Variants in SRGAP1 observed in about 807,000 individuals in gnomAD.
SRGAP1 encodes SLIT-ROBO Rho GTPase-activating protein 1.
A neutral mutation model predicts 121.9 loss-of-function variants in SRGAP1; 43 were observed. The observed-to-expected ratio is 0.35, with a 90% CI of 0.28 to 0.46. The LOEUF is 0.46. SRGAP1 is among the 20% of genes least tolerant of loss of function. The pLI, the probability that SRGAP1 is intolerant of heterozygous loss-of-function variation, is 1.00. For synonymous variants in SRGAP1, 447 were observed against 485.4 expected (o/e 0.92, Z 1.04); for missense variants, 1,102 against 1,350.9 (o/e 0.82, Z 2.89).
intron 21 of SRGAP1, among the ~76,000 whole-genome samples, chr12:64,137,957 A>T (rs992749799): frequency 3.0e-5 from 4 of 134,444 alleles, no homozygotes; most frequent in African/African-American, 1.2e-4. Context: ...GTGCTTAAAA[A>T]AAAAATATAT....
intron 8 of SRGAP1, among the ~76,000 whole-genome samples, chr12:64,071,646 C>T (rs2035637986): frequency 6.6e-6 from 1 of 152,152 alleles, no homozygotes; most frequent in Non-Finnish European, 1.5e-5. Flanking sequence ...GGGTGGGCCG[C>T]AGGAAAACAG....
intron 2 of SRGAP1, 57 bp from the exon 3 acceptor site, chr12:63,989,853 C>A: frequency 7.0e-7 from 1 of 1,424,626 alleles, no homozygotes; most frequent in South Asian, 1.3e-5. Context: ...TGACTTCACT[C>A]ATCTGATTGG....
chr12:63,938,270 C>G (rs2031737823), intron 1 of SRGAP1, among the ~76,000 whole-genome samples: 2 of 152,208 alleles, frequency 1.3e-5, no homozygotes, highest in African/African-American at 4.8e-5. Flanking sequence ...TTAGCCAGTT[C>G]ACATTTCACC....
intron 1 of SRGAP1, among the ~76,000 whole-genome samples, chr12:63,900,991 T>A (rs2029899311): frequency 6.6e-6 from 1 of 150,794 alleles, no homozygotes; most frequent in Non-Finnish European, 1.5e-5. Context: ...CTTGTGCACC[T>A]ATTTTTTTTT....
chr12:64,136,768 T>C (rs986437925), intron 21 of SRGAP1, among the ~76,000 whole-genome samples: 4 of 152,206 alleles, frequency 2.6e-5, no homozygotes, highest in African/African-American at 9.6e-5. Flanking sequence ...GCAAGGCCCT[T>C]TGAGGCATAC....
intron 8 of SRGAP1, among the ~76,000 whole-genome samples, chr12:64,076,665 G>T (rs1013069673): frequency 1.3e-5 from 2 of 149,866 alleles, no homozygotes; most frequent in Non-Finnish European, 3.0e-5. Context: ...TTTTTTTTTT[G>T]AGACAGAGTC....
At position 64,108,932 on chromosome 12, in the gene SRGAP1, G is replaced by A. The variant is rs1267160009; in HGVS notation, c.1814G>A (p.Arg605Lys). 10 of 1,592,330 alleles carry A rather than the reference G, an allele frequency of 6.3e-6. No homozygotes were observed. The South Asian group carries it at 1.1e-4, about 18-fold the overall frequency. The change falls in exon 16 of 22, where the codon AGA becomes AAA. Residue 605 changes from arginine to lysine, a missense_variant and splice_region_variant. Coordinates refer to ENST00000355086, the MANE Select transcript of SRGAP1 (RefSeq NM_020762.4). ...ERFNDLISCI[R>K]IDNLYERALH... Reference sequence around the variant, plus strand: ...TGACCATGTCATCTTCTGTCTGTAGGAATAGATAATCTCTATGAGAGGGCG... The same window carrying A: ...TGACCATGTCATCTTCTGTCTGTAGAAATAGATAATCTCTATGAGAGGGCG...
At chr12:63,915,649 G>A (rs1019204435) in intron 1 of SRGAP1, among the ~76,000 whole-genome samples, 13 of 152,136 alleles carry the variant, frequency 8.5e-5, no homozygotes, top group East Asian at 5.8e-4. Context: ...TGTGAAAAAC[G>A]CTGAGGTCAC....
chr12:64,078,993 A>T lies in SRGAP1; in HGVS notation c.1200A>T (p.Glu400Asp). 6.2e-7 allele frequency: 1 copy of T among 1,614,132 alleles called. No individual in the cohort carries two copies. Among genetic ancestry groups the T allele is most frequent in the Non-Finnish European group, 8.5e-7 (1 of 1,180,008 alleles). The change falls in exon 9 of 22, where the codon GAA becomes GAT. Residue 400 changes from glutamate to aspartate, a missense_variant. Around this residue, in one of 3 missense-constraint regions of SRGAP1, gnomAD observed 747 missense variants for 929.4 expected, o/e 0.80. Coordinates refer to ENST00000355086, the MANE Select transcript of SRGAP1 (RefSeq NM_020762.4). ...CCATCGAGGACTATGATGTTTCTGA[A>T]TGCTTCCAGCACAGTCGTTCCACAG... ...MVTIEDYDVS[E>D]CFQHSRSTES...
intron 1 of SRGAP1, among the ~76,000 whole-genome samples, chr12:63,973,716 G>T (rs903665261): frequency 6.6e-6 from 1 of 152,088 alleles, no homozygotes; most frequent in African/African-American, 2.4e-5. Context: ...TCAGTACTCA[G>T]TGCAAAAGAT....
chr12:63,949,001 CAT>C (rs199743179), intron 1 of SRGAP1, among the ~76,000 whole-genome samples: 2 of 107,144 alleles, frequency 1.9e-5, no homozygotes, highest in Admixed American at 2.0e-4. Flanking sequence ...ATGTATTTTC[CAT>C]ATATATATTC....
At chr12:63,957,490 C>G (rs1167877536) in intron 1 of SRGAP1, among the ~76,000 whole-genome samples, 1 of 152,208 alleles carries the variant, frequency 6.6e-6, no homozygotes, top group African/African-American at 2.4e-5. Flanking sequence ...GAGCCAGAGT[C>G]AGGCATAGCG....
Position 64,079,076 on chromosome 12 carries a change from GAA to G in SRGAP1, c.1284_1285del (p.Arg429SerfsTer7). On this transcript the variant is annotated frameshift_variant, in exon 9 of 22. Coordinates refer to ENST00000355086, the MANE Select transcript of SRGAP1 (RefSeq NM_020762.4). LOFTEE classifies it high-confidence loss of function. ...CTGAGTAAACCCAGCATCGCCAAGA[GAA>G]GAGCCAACCAGCAGGAAACTGAACA... 1.2e-6 allele frequency: 2 copies of G among 1,614,022 alleles called. No individual in the cohort carries two copies. The highest frequency in any genetic ancestry group is 1.7e-6 in the Non-Finnish European group (2 of 1,179,986).
chr12:64,072,772 A>T (rs2035666338), intron 8 of SRGAP1, among the ~76,000 whole-genome samples: 1 of 152,218 alleles, frequency 6.6e-6, no homozygotes, highest in Non-Finnish European at 1.5e-5. Flanking sequence ...TAGCAGGCTA[A>T]CACAGTGCAT....
chr12:64,105,391 C>T (rs2036327994), intron 15 of SRGAP1, among the ~76,000 whole-genome samples: 2 of 152,216 alleles, frequency 1.3e-5, no homozygotes, highest in African/African-American at 2.4e-5. Context: ...TATTTGTTCC[C>T]TCAATTCTTA....
chr12:63,957,920 C>G, intron 1 of SRGAP1, among the ~76,000 whole-genome samples: 1 of 152,192 alleles, frequency 6.6e-6, no homozygotes, highest in East Asian at 1.9e-4. Context: ...CTGCATGCCT[C>G]TGCGGGGTGC....
At chr12:63,994,714 T>A (rs2033646158) in intron 3 of SRGAP1, among the ~76,000 whole-genome samples, 1 of 152,130 alleles carries the variant, frequency 6.6e-6, no homozygotes, top group Admixed American at 6.6e-5. Context: ...TAAGAGAAGG[T>A]CAGAATTTGG....
At chr12:64,122,261 T>C (rs1233402752) in intron 18 of SRGAP1, among the ~76,000 whole-genome samples, 1 of 152,208 alleles carries the variant, frequency 6.6e-6, no homozygotes, top group South Asian at 2.1e-4. Flanking sequence ...CTCACTATTA[T>C]TGTTATTGAT....
intron 1 of SRGAP1, among the ~76,000 whole-genome samples, chr12:63,897,215 C>G (rs771771184): frequency 2.6e-5 from 4 of 152,182 alleles, no homozygotes; most frequent in Non-Finnish European, 4.4e-5. Flanking sequence ...ATCTTATCAT[C>G]TGACACCTAT....
Sources: allele counts gnomAD v4.1 joint callset (sites outside exome capture counted in the v4.1 genomes callset), GRCh38; gene constraint gnomAD v4.1.1; regional missense constraint gnomAD v4.1.1; transcripts MANE v1.5; gene names NCBI Gene and HGNC (gene_info 2026-07-23, HGNC 2026-07-21).